The following PEPD variants were observed in gnomAD, a reference collection of about 807,000 sequenced individuals.
PEPD encodes the protein peptidase D.
A neutral mutation model predicts 60.7 loss-of-function variants in PEPD; 53 were observed. The ratio of observed to expected loss-of-function variants is 0.87; its 90% CI spans 0.70 to 1.10. The LOEUF is 1.10. Ranked by LOEUF, PEPD falls within the 50% of genes least tolerant of loss-of-function variation. The probability of loss-of-function intolerance (pLI) is 0.00; values close to 1 mark genes in which losing one functional copy is unlikely to be tolerated. For missense variants in PEPD, 711 were observed against 711.9 expected (o/e 1.00, Z 0.01); for synonymous variants, 267 against 284.1 (o/e 0.94, Z 0.60).
chr19:33,432,723 C>T (rs1969300515), intron 9 of PEPD, among the ~76,000 whole-genome samples: 1 of 152,250 alleles, frequency 6.6e-6, no homozygotes, highest in South Asian at 2.1e-4. Context: ...CCAAATCCCC[C>T]TGGACAGAAA....
chr19:33,479,433 CA>C (rs1384343801), intron 6 of PEPD, among the ~76,000 whole-genome samples: 1 of 149,516 alleles, frequency 6.7e-6, no homozygotes, highest in Non-Finnish European at 1.5e-5. Flanking sequence ...ATTTTAAGTT[CA>C]GGGGTACATG....
intron 9 of PEPD, among the ~76,000 whole-genome samples, chr19:33,437,864 C>T (rs1410675447): frequency 1.3e-5 from 2 of 152,156 alleles, no homozygotes; most frequent in Non-Finnish European, 2.9e-5. Context: ...GTTTCTGGCA[C>T]ATAATCTCAT....
At chr19:33,432,305 C>T (rs1969291108) in intron 9 of PEPD, among the ~76,000 whole-genome samples, 1 of 152,234 alleles carries the variant, frequency 6.6e-6, no homozygotes, top group South Asian at 2.1e-4. Flanking sequence ...CCTCTGTCTG[C>T]ACACGGAGGT....
chr19:33,402,684 CCACCTG>C (rs1433844558), intron 11 of PEPD, among the ~76,000 whole-genome samples: 3 of 152,224 alleles, frequency 2.0e-5, no homozygotes, highest in Non-Finnish European at 2.9e-5. Flanking sequence ...CTCACCCTGT[CCACCTG>C]CACCCTGGCA....
At chr19:33,423,448 T>A (rs533983852) in intron 9 of PEPD, among the ~76,000 whole-genome samples, 9 of 152,344 alleles carry the variant, frequency 5.9e-5, no homozygotes, top group African/African-American at 2.2e-4. Flanking sequence ...TCTCAGGGCA[T>A]GTTCTGCAAA....
chr19:33,482,404 T>C (rs1216960605), intron 6 of PEPD, among the ~76,000 whole-genome samples: 2 of 152,188 alleles, frequency 1.3e-5, no homozygotes, highest in South Asian at 2.1e-4. Context: ...CTTTTCATAA[T>C]AAATACTCAA....
chr19:33,443,124 T>C (rs1969516199), intron 9 of PEPD, among the ~76,000 whole-genome samples: 1 of 152,242 alleles, frequency 6.6e-6, no homozygotes, highest in African/African-American at 2.4e-5. Context: ...CATTGCCCCA[T>C]CTCTGTGGAC....
chr19:33,464,334 CG>C (rs1211790161), intron 7 of PEPD, among the ~76,000 whole-genome samples: 1 of 152,204 alleles, frequency 6.6e-6, no homozygotes, highest in Non-Finnish European at 1.5e-5. Context: ...GAAGCCGCTG[CG>C]GTGGGAGAAG....
Position 33,411,765 on chromosome 19 carries a change from G to C in PEPD, c.741-16C>G, listed in dbSNP as rs1968781904. 6.4e-7 allele frequency: 1 copy of C among 1,552,310 alleles called. No individual in the cohort carries two copies. Among genetic ancestry groups the C allele is most frequent in the Non-Finnish European group, 8.9e-7 (1 of 1,125,708 alleles). On this transcript the variant is annotated splice_polypyrimidine_tract_variant and intron_variant, in intron 10 of 14. Transcript: ENST00000244137. ...GTTCTCACCACTGCAAAGAGCCGGG[G>C]GAGGGTGATCAAAGCCCATTCTTCT...
intron 7 of PEPD, among the ~76,000 whole-genome samples, chr19:33,464,913 G>A (rs186087085): frequency 7.0e-4 from 106 of 152,180 alleles, no homozygotes; most frequent in African/African-American, 2.4e-3. Flanking sequence ...CCCTGGGTCC[G>A]CGGGCACAGA....
intron 12 of PEPD, among the ~76,000 whole-genome samples, chr19:33,393,182 T>TG (rs1568446533): frequency 4.7e-5 from 7 of 149,128 alleles, no homozygotes. Context: ...GGGTCTGGCG[T>TG]GGGGGAGGCC....
At chr19:33,421,425 G>A (rs543892175) in intron 9 of PEPD, among the ~76,000 whole-genome samples, 292 of 152,308 alleles carry the variant, frequency 1.9e-3, no homozygotes, top group Middle Eastern at 3.4e-3. Context: ...ACCCACTGAA[G>A]GTTCTTGTTA....
intron 7 of PEPD, among the ~76,000 whole-genome samples, chr19:33,469,082 A>G (rs1970074514): frequency 1.3e-5 from 2 of 152,194 alleles, no homozygotes; most frequent in Admixed American, 6.5e-5. Flanking sequence ...TCTCAAATGC[A>G]GTGATGATCA....
chr19:33,463,853 T>C, intron 8 of PEPD, 134 bp downstream of exon 8: 1 of 714,024 alleles, frequency 1.4e-6, no homozygotes, highest in Non-Finnish European at 2.6e-6. Context: ...GAACAATCAC[T>C]GTGTAAAACT....
chr19:33,409,822 A>T (rs1016059192), intron 11 of PEPD, among the ~76,000 whole-genome samples: 1 of 152,154 alleles, frequency 6.6e-6, no homozygotes, highest in African/African-American at 2.4e-5. Flanking sequence ...CTGGCCTCAC[A>T]CCTGGGCCTG....
intron 6 of PEPD, among the ~76,000 whole-genome samples, chr19:33,484,310 A>G (rs979199097): frequency 6.6e-6 from 1 of 152,254 alleles, no homozygotes; most frequent in Non-Finnish European, 1.5e-5. Context: ...AGCAGTGGCC[A>G]ATCTACTCAG....
chr19:33,400,233 G>A (rs749350263), intron 12 of PEPD, among the ~76,000 whole-genome samples: 2 of 152,178 alleles, frequency 1.3e-5, no homozygotes, highest in Non-Finnish European at 2.9e-5. Flanking sequence ...GCCAACACGA[G>A]GTGATCTCTG....
At chr19:33,444,073 G>A (rs143646602) in intron 9 of PEPD, among the ~76,000 whole-genome samples, 1 of 152,278 alleles carries the variant, frequency 6.6e-6, no homozygotes, top group Admixed American at 6.5e-5. Context: ...GTACATGGGT[G>A]CGCGCACACA....
intron 12 of PEPD, among the ~76,000 whole-genome samples, chr19:33,394,292 G>A (rs1374408993): frequency 1.3e-5 from 2 of 152,248 alleles, no homozygotes; most frequent in African/African-American, 4.8e-5. Flanking sequence ...TTCAGCAGTG[G>A]GCTACGTTCT....
Sources: allele counts gnomAD v4.1 joint callset (sites outside exome capture counted in the v4.1 genomes callset), GRCh38; gene constraint gnomAD v4.1.1; transcripts MANE v1.5; gene names NCBI Gene and HGNC (gene_info 2026-07-23, HGNC 2026-07-21).